Variants in MATN2 observed in about 807,000 individuals in gnomAD.
MATN2 encodes the protein matrilin-2.
A neutral mutation model predicts 103.2 loss-of-function variants in MATN2; 69 were observed. The observed-to-expected ratio is 0.67, with a 90% CI of 0.55 to 0.82. The LOEUF (loss-of-function observed/expected upper bound fraction) is 0.82, where lower values mean the gene tolerates loss of function less well. Among genes scored for constraint, MATN2 ranks in the 40% least tolerant of loss-of-function variants. The probability of loss-of-function intolerance (pLI) is 0.00; values close to 1 mark genes in which losing one functional copy is unlikely to be tolerated. For missense variants in MATN2, 1,023 were observed against 1,211.5 expected (o/e 0.84, Z 2.31); for synonymous variants, 429 against 450.2 (o/e 0.95, Z 0.60).
At chr8:97,898,703 T>C (rs1818894716) in intron 2 of MATN2, among the ~76,000 whole-genome samples, 1 of 152,022 alleles carries the variant, frequency 6.6e-6, no homozygotes, top group South Asian at 2.1e-4. Flanking sequence ...CTTAAATGTC[T>C]CATACAAGGT....
At chr8:97,945,717 A>AAAAAATAT (rs59472539) in intron 4 of MATN2, among the ~76,000 whole-genome samples, 95 of 121,802 alleles carry the variant, frequency 7.8e-4, no homozygotes, top group Non-Finnish European at 9.7e-4. Context: ...AAAAAAAAAA[A>AAAAAATAT]ATATATATAT....
Position 97,931,434 on chromosome 8 carries a change from G to C in MATN2, c.624G>C (p.Gly208=). ...QVDFNTLKSI[G]SEPHEDHVFL... Reference sequence around the variant, plus strand: ...ACTTCAACACCTTGAAGTCCATTGGGAGTGAGCCCCATGAGGACCATGTCT... The same window carrying C: ...ACTTCAACACCTTGAAGTCCATTGGCAGTGAGCCCCATGAGGACCATGTCT... The change falls in exon 3 of 19, where the codon GGG becomes GGC. Residue 208 remains glycine (G), a synonymous_variant. Coordinates refer to ENST00000254898, the MANE Select transcript of MATN2 (RefSeq NM_002380.5). The surrounding 1 kb of genome is among the most constrained non-coding windows in gnomAD (Gnocchi z 4.1). 4 of 1,613,762 alleles carry C rather than the reference G, an allele frequency of 2.5e-6. No homozygotes were observed. Among genetic ancestry groups the C allele is most frequent in the Non-Finnish European group, 3.4e-6 (4 of 1,179,876 alleles).
At chr8:97,877,407 G>T (rs1563639738) in intron 1 of MATN2, among the ~76,000 whole-genome samples, 2 of 151,860 alleles carry the variant, frequency 1.3e-5, no homozygotes, top group Non-Finnish European at 2.9e-5. Context: ...AACCCGGGAG[G>T]CGGAGGTTGC....
chr8:98,007,294 G>C lies in MATN2; in HGVS notation c.1450+67G>C, dbSNP rs1443145197. On this transcript the variant is annotated intron_variant, in intron 9 of 18. Coordinates refer to ENST00000254898, the MANE Select transcript of MATN2 (RefSeq NM_002380.5). This position sits in a 1 kb window ranked among gnomAD's most constrained non-coding sequence, Gnocchi z 4.2. ...CAGGAGTGAAACCTATGTGACTGCA[G>C]AGGGCACAGGTTGTACTTGGGCACC... is the stretch of plus-strand genomic sequence containing the variant. The C allele has an allele frequency of 2.5e-6, 4 of 1,603,506 alleles. No individual in the cohort carries two copies. In the African/African-American group the frequency reaches 5.4e-5, roughly 21 times the overall value.
chr8:97,943,740 C>G (rs1268687967), intron 4 of MATN2, among the ~76,000 whole-genome samples: 1 of 152,144 alleles, frequency 6.6e-6, no homozygotes, highest in East Asian at 1.9e-4. Flanking sequence ...CAGGATTGAG[C>G]CGCTGTGCCT....
intron 6 of MATN2, among the ~76,000 whole-genome samples, chr8:97,989,227 T>C (rs973311682): frequency 3.3e-5 from 5 of 152,220 alleles, no homozygotes; most frequent in Admixed American, 2.6e-4. Flanking sequence ...CCCAGTACTT[T>C]GGGAGGCCGA....
At chr8:98,004,659 C>A (rs77320836) in intron 8 of MATN2, among the ~76,000 whole-genome samples, 1 of 152,210 alleles carries the variant, frequency 6.6e-6, no homozygotes, top group Non-Finnish European at 1.5e-5. Flanking sequence ...CAGTGCCTGG[C>A]GCCAGACTGG....
Position 98,030,538 on chromosome 8 carries a change from C to CA in MATN2, c.2435dup (p.His813AlafsTer13). The CA allele has an allele frequency of 6.2e-7, 1 of 1,613,860 alleles. No homozygotes were observed. Among genetic ancestry groups the CA allele is most frequent in the Non-Finnish European group, 8.5e-7 (1 of 1,179,778 alleles). On this transcript the variant is annotated frameshift_variant, in exon 15 of 19. Transcript: ENST00000254898. LOFTEE classifies it high-confidence loss of function. The stretch of plus-strand genomic sequence containing the variant: ...AAGAGATTGCCTCTGAGCCCACAAA[C>CA]AAGCATCTCTTCTATGCCGAAGACT...
chr8:97,937,438 A>C (rs1810410593), intron 3 of MATN2, among the ~76,000 whole-genome samples: 1 of 152,114 alleles, frequency 6.6e-6, no homozygotes, highest in Non-Finnish European at 1.5e-5. Context: ...TCTAGCTCCC[A>C]ATCCAGTGCC....
chr8:97,966,321 C>T (rs1304084720), intron 5 of MATN2, among the ~76,000 whole-genome samples: 1 of 151,576 alleles, frequency 6.6e-6, no homozygotes, highest in Non-Finnish European at 1.5e-5. Flanking sequence ...TTTGTGAGGC[C>T]AAGGTGGGAG....
chr8:97,950,261 C>T (rs1810901194), intron 4 of MATN2, among the ~76,000 whole-genome samples: 2 of 152,130 alleles, frequency 1.3e-5, no homozygotes, highest in African/African-American at 4.8e-5. Flanking sequence ...TTGTTTGTGG[C>T]ATCAGTGGAG....
At chr8:97,932,096 G>A (rs1472437623) in intron 3 of MATN2, among the ~76,000 whole-genome samples, 3 of 152,182 alleles carry the variant, frequency 2.0e-5, no homozygotes, top group Non-Finnish European at 4.4e-5. Flanking sequence ...GCAACCCCAG[G>A]ACCTTATCTA....
intron 12 of MATN2, 153 bp downstream of exon 12, chr8:98,018,269 T>C: frequency 1.0e-6 from 1 of 981,360 alleles, no homozygotes; most frequent in Non-Finnish European, 1.5e-6. Flanking sequence ...TAGAGATCAG[T>C]TCAGTAGCCC....
chr8:97,897,876 C>A (rs1475188790), intron 2 of MATN2, among the ~76,000 whole-genome samples: 4 of 152,228 alleles, frequency 2.6e-5, no homozygotes, highest in Admixed American at 2.0e-4. Flanking sequence ...CCAAAAAGCA[C>A]AGCGTCTGAC....
intron 10 of MATN2, among the ~76,000 whole-genome samples, chr8:98,014,272 T>C (rs1813280960): frequency 6.6e-6 from 1 of 151,566 alleles, no homozygotes; most frequent in African/African-American, 2.4e-5. Flanking sequence ...GGAGTAGTAG[T>C]AGTATTATAA....
At position 98,007,245 on chromosome 8, in the gene MATN2, C is replaced by T; in HGVS notation, c.1450+18C>T. 1 of 1,613,470 alleles carries T rather than the reference C, an allele frequency of 6.2e-7. No individual in the cohort carries two copies. The highest frequency in any genetic ancestry group is 8.5e-7 in the Non-Finnish European group (1 of 1,179,784). ...CTGCTCCCGTGAGTCCCTCCGCGCT[C>T]CTCTCATAGGGGAAGGTTTGCACCA... On this transcript the variant is annotated intron_variant, in intron 9 of 18. Transcript: ENST00000254898. The surrounding 1 kb of genome is among the most constrained non-coding windows in gnomAD (Gnocchi z 4.2).
At chr8:97,914,556 T>G (rs1809558256) in intron 2 of MATN2, among the ~76,000 whole-genome samples, 1 of 151,352 alleles carries the variant, frequency 6.6e-6, no homozygotes, top group South Asian at 2.1e-4. Context: ...TTTTAATCTA[T>G]TGTAGAGAGG....
At chr8:98,015,763 C>T (rs1353086352) in intron 10 of MATN2, among the ~76,000 whole-genome samples, 1 of 152,216 alleles carries the variant, frequency 6.6e-6, no homozygotes. Context: ...CCCTCTTCTC[C>T]TGACACCTGC....
At chr8:97,992,762 A>AAAAAAAAAAAAC (rs1812438075) in intron 6 of MATN2, among the ~76,000 whole-genome samples, 1 of 145,382 alleles carries the variant, frequency 6.9e-6, no homozygotes, top group Non-Finnish European at 1.5e-5. Flanking sequence ...AAAAAAAAAA[A>AAAAAAAAAAAAC]AAAAAAAATT....
Sources: allele counts gnomAD v4.1 joint callset (sites outside exome capture counted in the v4.1 genomes callset), GRCh38; gene constraint gnomAD v4.1.1; non-coding constraint Gnocchi (gnomAD v3.1); transcripts MANE v1.5; gene names NCBI Gene and HGNC (gene_info 2026-07-23, HGNC 2026-07-21).